SPTBN1: variants seen among roughly 807,000 people sequenced by gnomAD.
SPTBN1 encodes the protein spectrin beta chain, non-erythrocytic 1.
SPTBN1 carries 32 observed loss-of-function variants against 266.4 expected under a neutral mutation model. The observed-to-expected ratio is 0.12, with a 90% CI of 0.09 to 0.16. The LOEUF (loss-of-function observed/expected upper bound fraction) is 0.16. Among genes scored for constraint, SPTBN1 ranks in the 10% least tolerant of loss-of-function variants. The pLI is 1.00. For synonymous variants in SPTBN1, 1,336 were observed against 1,162.2 expected (o/e 1.15, Z -3.04); for missense variants, 2,296 against 3,067.1 (o/e 0.75, Z 5.94).
chr2:54,595,534 A>G (rs1429827727), intron 2 of SPTBN1, among the ~76,000 whole-genome samples: 1 of 152,256 alleles, frequency 6.6e-6, no homozygotes, highest in Non-Finnish European at 1.5e-5. Flanking sequence ...CCCACCTCAC[A>G]TCGCCCAGAC....
chr2:54,643,234 AT>A, intron 19 of SPTBN1, 105 bp downstream of exon 19: 3 of 1,486,742 alleles, frequency 2.0e-6, no homozygotes, highest in Middle Eastern at 2.3e-4. Flanking sequence ...TTATCTGTAC[AT>A]TTACGTAAGT....
At chr2:54,484,268 C>T (rs980407098) in intron 1 of SPTBN1, among the ~76,000 whole-genome samples, 5 of 152,142 alleles carry the variant, frequency 3.3e-5, no homozygotes, top group Non-Finnish European at 7.4e-5. Flanking sequence ...AATAAATTAT[C>T]GGGGCCCTCC....
intron 1 of SPTBN1, among the ~76,000 whole-genome samples, chr2:54,511,064 T>C (rs935987331): frequency 6.6e-5 from 10 of 152,336 alleles, no homozygotes; most frequent in African/African-American, 2.4e-4. Flanking sequence ...GATTAGGGTC[T>C]GGCCCCACAG....
rs368762724 is a variant in SPTBN1 at position 54,645,954 on chromosome 2, G to A, written c.4521G>A (p.Leu1507=). ...EILWVGERMP[L]ATSTDHGHNL... ...TGTGGGTTGGAGAGAGGATGCCTTT[G>A]GCAACTTCCACGGATCATGGCCACA... Residue 1507 remains leucine, a synonymous_variant, in exon 22 of 36, where the codon TTG becomes TTA. Coordinates refer to ENST00000356805, the MANE Select transcript of SPTBN1 (RefSeq NM_003128.3). This position sits in a 1 kb window ranked among gnomAD's most constrained non-coding sequence, Gnocchi z 4.3. 290 of 1,614,040 alleles carry A rather than the reference G, an allele frequency of 1.8e-4. No individual in the cohort carries two copies. The highest frequency in any genetic ancestry group is 2.4e-4 in the Non-Finnish European group (280 of 1,180,040).
At chr2:54,614,417 T>C (rs953998011) in intron 4 of SPTBN1, among the ~76,000 whole-genome samples, 1 of 152,126 alleles carries the variant, frequency 6.6e-6, no homozygotes, top group Admixed American at 6.5e-5. Flanking sequence ...TGTGCTCTCA[T>C]TGCTACCAGG....
In SPTBN1 at chr2:54,469,961, C is replaced by G. The variant is rs1693838974; in HGVS notation, c.-48+13443C>G. On this transcript the variant is annotated intron_variant, in intron 1 of 35. Transcript: ENST00000356805. Reference sequence around the variant, plus strand: ...CGGAAGGAAAGAAACCAGCACACATCCTGTCTTTCATTCTCTGTTTCAAAG... The same window carrying G: ...CGGAAGGAAAGAAACCAGCACACATGCTGTCTTTCATTCTCTGTTTCAAAG... 2.0e-5 allele frequency among the ~76,000 whole-genome samples: 3 copies of G among 152,168 alleles called. No individual in the cohort carries two copies. In the South Asian group the frequency reaches 6.2e-4, roughly 31 times the overall value.
At position 54,554,922 on chromosome 2, in the gene SPTBN1, C is replaced by G. The variant is rs144466665; in HGVS notation, c.148+28356C>G. Among the ~76,000 whole-genome samples the G allele has an allele frequency of 1.8e-4, 27 of 152,012 alleles. No homozygotes were observed. Among genetic ancestry groups the G allele is most frequent in the South Asian group, 8.3e-4 (4 of 4,824 alleles). ...TCATCTTCATAGCTTCTTCTTCGTC[C>G]TCCTCCTCCTCCTTTCTCGTTATTT... On this transcript the variant is annotated intron_variant, in intron 2 of 35. Transcript: ENST00000356805. The surrounding 1 kb of genome is among the most constrained non-coding windows in gnomAD (Gnocchi z 4.5).
chr2:54,553,971 C>T (rs1332132208), intron 2 of SPTBN1, among the ~76,000 whole-genome samples: 1 of 152,136 alleles, frequency 6.6e-6, no homozygotes, highest in East Asian at 1.9e-4. Flanking sequence ...ACAGGTCCAC[C>T]AAGTATGAGA....
At chr2:54,553,969 A>G (rs1294744552) in intron 2 of SPTBN1, among the ~76,000 whole-genome samples, 2 of 152,226 alleles carry the variant, frequency 1.3e-5, no homozygotes, top group East Asian at 3.8e-4. Flanking sequence ...GTACAGGTCC[A>G]CCAAGTATGA....
intron 2 of SPTBN1, among the ~76,000 whole-genome samples, chr2:54,565,909 T>G (rs189098167): frequency 6.6e-6 from 1 of 152,326 alleles, no homozygotes; most frequent in Admixed American, 6.5e-5. Flanking sequence ...TACTAGTAAA[T>G]ATAGTACAGC....
intron 18 of SPTBN1, among the ~76,000 whole-genome samples, chr2:54,638,593 A>G (rs952384721): frequency 3.3e-5 from 5 of 152,264 alleles, no homozygotes; most frequent in African/African-American, 7.2e-5. Context: ...AGAAAAAAGT[A>G]GTTTCTCTGC....
intron 32 of SPTBN1, chr2:54,662,755 A>G (rs1031714581): frequency 6.6e-6 from 1 of 151,996 alleles, no homozygotes; most frequent in Non-Finnish European, 1.5e-5. Flanking sequence ...TTTTTTGTCT[A>G]TTTCCCCTCC....
intron 1 of SPTBN1, among the ~76,000 whole-genome samples, chr2:54,467,762 A>AT (rs563007129): frequency 4.2e-4 from 63 of 148,584 alleles, no homozygotes; most frequent in African/African-American, 9.6e-4. Flanking sequence ...AGAATCCCTG[A>AT]TTTTTTTTTT....
intron 1 of SPTBN1, among the ~76,000 whole-genome samples, chr2:54,488,424 C>G (rs1668519906): frequency 6.6e-6 from 1 of 152,168 alleles, no homozygotes; most frequent in South Asian, 2.1e-4. Context: ...ATACTGTAGT[C>G]TTCTTCCTAA....
chr2:54,613,279 C>CCTTCCTGTTCTGCCCCTT (rs1386200873), intron 4 of SPTBN1, among the ~76,000 whole-genome samples: 1 of 149,946 alleles, frequency 6.7e-6, no homozygotes, highest in Non-Finnish European at 1.5e-5. Context: ...TCTTGCCATT[C>CCTTCCTGTTCTGCCCCTT]CTTCCTGTTC....
chr2:54,582,962 T>A (rs892732926), intron 2 of SPTBN1, among the ~76,000 whole-genome samples: 5 of 152,206 alleles, frequency 3.3e-5, no homozygotes, highest in Non-Finnish European at 7.4e-5. Flanking sequence ...TTTAATGAAG[T>A]GCTTAGAAGA....
chr2:54,486,496 C>G (rs1283216186), intron 1 of SPTBN1, among the ~76,000 whole-genome samples: 1 of 152,198 alleles, frequency 6.6e-6, no homozygotes, highest in Non-Finnish European at 1.5e-5. Flanking sequence ...GCAAGATGTG[C>G]TTTGTTAAAC....
chr2:54,587,134 C>G (rs1675345972), intron 2 of SPTBN1, among the ~76,000 whole-genome samples: 1 of 152,132 alleles, frequency 6.6e-6, no homozygotes, highest in South Asian at 2.1e-4. Context: ...TAAGAAACAT[C>G]ACAAATTTGA....
At chr2:54,468,584 C>CTGTA (rs1312257261) in intron 1 of SPTBN1, among the ~76,000 whole-genome samples, 3 of 152,148 alleles carry the variant, frequency 2.0e-5, no homozygotes, top group Non-Finnish European at 2.9e-5. Flanking sequence ...ATAGTTAAAG[C>CTGTA]TGTAGCATGA....
Sources: allele counts gnomAD v4.1 joint callset (sites outside exome capture counted in the v4.1 genomes callset), GRCh38; gene constraint gnomAD v4.1.1; non-coding constraint Gnocchi (gnomAD v3.1); transcripts MANE v1.5; gene names NCBI Gene and HGNC (gene_info 2026-07-23, HGNC 2026-07-21).